LOC400499: variants seen among roughly 807,000 people sequenced by gnomAD.
chr16:11,472,411 T>G, the LOC400499 span: 3 of 152,126 alleles, frequency 2.0e-5, no homozygotes, highest in Admixed American at 6.5e-5. Flanking sequence ...CAGGCTGATC[T>G]TGAACTCCTG....
chr16:11,430,638 G>A, the LOC400499 span, among the ~76,000 whole-genome samples: 1 of 152,178 alleles, frequency 6.6e-6, no homozygotes, highest in Admixed American at 6.5e-5. Context: ...TGATTAATCT[G>A]GGCAAAGGGG....
At chr16:11,454,246 G>C in the LOC400499 span, among the ~76,000 whole-genome samples, 3 of 152,380 alleles carry the variant, frequency 2.0e-5, no homozygotes, top group African/African-American at 7.2e-5. Flanking sequence ...TGTCCCAGTA[G>C]AATGAAGACA....
chr16:11,526,743 ACT>A, the LOC400499 span, among the ~76,000 whole-genome samples: 1 of 152,122 alleles, frequency 6.6e-6, no homozygotes, highest in African/African-American at 2.4e-5. Flanking sequence ...ACAATGTCTC[ACT>A]CTGTCGCCCA....
chr16:11,507,179 A>C, the LOC400499 span, among the ~76,000 whole-genome samples: 2 of 152,204 alleles, frequency 1.3e-5, no homozygotes, highest in Admixed American at 1.3e-4. Context: ...CTTCCCATCA[A>C]GCCATGAGGT....
chr16:11,396,394 G>C, the LOC400499 span: 2 of 998,158 alleles, frequency 2.0e-6, no homozygotes, highest in Admixed American at 4.3e-5. Flanking sequence ...CAGTTCCTCA[G>C]ATAGCCACTA....
the LOC400499 span, among the ~76,000 whole-genome samples, chr16:11,427,905 C>T: frequency 2.6e-5 from 4 of 152,290 alleles, no homozygotes; most frequent in East Asian, 7.7e-4. Flanking sequence ...CTACAACTCA[C>T]TCTGAAAAGC....
the LOC400499 span, among the ~76,000 whole-genome samples, chr16:11,438,255 C>T: frequency 3.3e-5 from 5 of 152,144 alleles, no homozygotes; most frequent in Non-Finnish European, 1.5e-5. Context: ...ATGCCAGCAG[C>T]TCTCAAATGG....
the LOC400499 span, among the ~76,000 whole-genome samples, chr16:11,420,172 T>G: frequency 6.6e-6 from 1 of 150,772 alleles, no homozygotes; most frequent in Non-Finnish European, 1.5e-5. Flanking sequence ...CTATTCACAA[T>G]AGCAAAGACT....
the LOC400499 span, chr16:11,522,075 G>A: frequency 5.0e-6 from 2 of 398,940 alleles, no homozygotes. Flanking sequence ...AATGATAGGT[G>A]TATCTGGTGC....
chr16:11,495,082 G>A, the LOC400499 span, among the ~76,000 whole-genome samples: 3 of 152,034 alleles, frequency 2.0e-5, no homozygotes, highest in Non-Finnish European at 2.9e-5. Context: ...GGTGGTGTGT[G>A]CCTGTAATCC....
the LOC400499 span, among the ~76,000 whole-genome samples, chr16:11,398,933 C>T: frequency 4.1e-4 from 62 of 152,172 alleles, no homozygotes; most frequent in African/African-American, 1.5e-3. Flanking sequence ...TGTGATTCGC[C>T]ATGCCCCGCT....
chr16:11,401,385 A>C, the LOC400499 span: 4 of 399,894 alleles, frequency 1.0e-5, no homozygotes, highest in Non-Finnish European at 4.4e-6. Context: ...TTCCCCAGCC[A>C]CAGGGAGGAG....
At chr16:11,487,444 T>G in the LOC400499 span, 1 of 398,340 alleles carries the variant, frequency 2.5e-6, no homozygotes, top group South Asian at 1.3e-4. Context: ...GGGGTCTGGC[T>G]ATTACCACAG....
chr16:11,407,629 G>T, the LOC400499 span, among the ~76,000 whole-genome samples: 2 of 152,200 alleles, frequency 1.3e-5, no homozygotes, highest in African/African-American at 2.4e-5. Flanking sequence ...AAGAATTCTA[G>T]TTGTAGTACT....
At chr16:11,523,962 C>T in the LOC400499 span, among the ~76,000 whole-genome samples, 2 of 133,166 alleles carry the variant, frequency 1.5e-5, no homozygotes, top group East Asian at 2.3e-4. Flanking sequence ...TCCACCCACC[C>T]GCTCCCCTCT....
At chr16:11,440,691 C>T in the LOC400499 span, 1 of 398,982 alleles carries the variant, frequency 2.5e-6, no homozygotes, top group Non-Finnish European at 4.4e-6. Flanking sequence ...ACCCGGCCTC[C>T]CTCGGCAAGG....
the LOC400499 span, among the ~76,000 whole-genome samples, chr16:11,380,188 G>A: frequency 1.3e-5 from 2 of 151,272 alleles, no homozygotes; most frequent in Non-Finnish European, 2.9e-5. Flanking sequence ...TTACAGAGAT[G>A]AATGAAAATT....
At chr16:11,446,577 C>T in the LOC400499 span, 19 of 1,535,994 alleles carry the variant, frequency 1.2e-5, no homozygotes, top group Non-Finnish European at 1.7e-5. Flanking sequence ...TAACCAGGCA[C>T]CCCTCTGTGT....
At chr16:11,447,381 A>G in the LOC400499 span, among the ~76,000 whole-genome samples, 9 of 152,300 alleles carry the variant, frequency 5.9e-5, no homozygotes, top group Admixed American at 5.9e-4. Flanking sequence ...CCCAAGGGCA[A>G]AGGTTTCTGA....
Sources: gnomAD v4.1 joint callset for allele counts (sites outside exome capture counted in the v4.1 genomes callset) on GRCh38, gnomAD v4.1.1 for gene constraint, MANE v1.5 for transcripts.